Variants in FAF1 observed in about 807,000 individuals in gnomAD.
FAF1 encodes Fas associated factor 1.
In FAF1, 25 loss-of-function variants were observed where a neutral mutation model predicts 92.5. The observed-to-expected ratio is 0.27, with a 90% CI of 0.20 to 0.38. The LOEUF is 0.38. Ranked by LOEUF, FAF1 falls within the 10% of genes least tolerant of loss-of-function variation. FAF1 has a pLI of 1.00. For synonymous variants in FAF1, 234 were observed against 273.2 expected, an observed-to-expected ratio of 0.86 and a Z score of 1.42; for missense variants, 636 against 793.3, an observed-to-expected ratio of 0.80 and a Z score of 2.38.
At chr1:50,627,174 T>A (rs1003288698) in intron 8 of FAF1, among the ~76,000 whole-genome samples, 2 of 152,244 alleles carry the variant, frequency 1.3e-5, no homozygotes, top group Non-Finnish European at 2.9e-5. Context: ...CAATCTCACA[T>A]GAGTGATAAT....
At chr1:50,479,720 G>C (rs1050141312) in intron 17 of FAF1, among the ~76,000 whole-genome samples, 4 of 152,080 alleles carry the variant, frequency 2.6e-5, no homozygotes, top group Admixed American at 2.0e-4. Context: ...ACAGTAGCTC[G>C]TTACTTCATT....
chr1:50,848,408 C>T (rs1009738516), intron 2 of FAF1, among the ~76,000 whole-genome samples: 1 of 152,024 alleles, frequency 6.6e-6, no homozygotes, highest in African/African-American at 2.4e-5. Context: ...TATTGTGAAA[C>T]CTAGGATAAC....
intron 8 of FAF1, among the ~76,000 whole-genome samples, chr1:50,625,984 G>T (rs904869816): frequency 1.3e-5 from 2 of 152,144 alleles, no homozygotes; most frequent in African/African-American, 4.8e-5. Flanking sequence ...AAGAATGGTG[G>T]AACTACAGGA....
chr1:50,555,389 C>A (rs1416879444), intron 13 of FAF1, among the ~76,000 whole-genome samples: 1 of 151,944 alleles, frequency 6.6e-6, no homozygotes, highest in African/African-American at 2.4e-5. Context: ...CAAGAATCTA[C>A]AAGGAACTCA....
At chr1:50,775,515 A>G (rs1660925224) in intron 4 of FAF1, among the ~76,000 whole-genome samples, 1 of 152,126 alleles carries the variant, frequency 6.6e-6, no homozygotes, top group South Asian at 2.1e-4. Flanking sequence ...AAATATTTAC[A>G]TGGGATCTTG....
chr1:50,561,429 G>A (rs1158864592), intron 13 of FAF1, among the ~76,000 whole-genome samples: 1 of 152,188 alleles, frequency 6.6e-6, no homozygotes, highest in Non-Finnish European at 1.5e-5. Context: ...GAGGAATGTA[G>A]CTGTATTTCC....
chr1:50,641,987 G>A (rs1654353091), intron 8 of FAF1, among the ~76,000 whole-genome samples: 1 of 151,994 alleles, frequency 6.6e-6, no homozygotes, highest in Non-Finnish European at 1.5e-5. Flanking sequence ...TGGATAGCCT[G>A]AGATCAGGAG....
At chr1:50,459,004 T>G (rs1646391705) in intron 18 of FAF1, among the ~76,000 whole-genome samples, 1 of 151,326 alleles carries the variant, frequency 6.6e-6, no homozygotes, top group Non-Finnish European at 1.5e-5. Context: ...CAGAGTCTTG[T>G]TCTGTCACCC....
intron 2 of FAF1, among the ~76,000 whole-genome samples, chr1:50,828,418 G>A (rs1288971875): frequency 2.0e-5 from 3 of 151,994 alleles, no homozygotes; most frequent in Non-Finnish European, 2.9e-5. Flanking sequence ...ACAGGCGCCC[G>A]CCACCACGTC....
At chr1:50,813,782 C>T (rs1439699677) in intron 2 of FAF1, among the ~76,000 whole-genome samples, 1 of 151,832 alleles carries the variant, frequency 6.6e-6, no homozygotes, top group African/African-American at 2.4e-5. Context: ...CTCTCCATAC[C>T]ACTCAGAATA....
chr1:50,829,137 G>A (rs904289657), intron 2 of FAF1, among the ~76,000 whole-genome samples: 1 of 152,294 alleles, frequency 6.6e-6, no homozygotes, highest in African/African-American at 2.4e-5. Flanking sequence ...CAAGAATGTA[G>A]AGCAACTGGA....
intron 7 of FAF1, among the ~76,000 whole-genome samples, chr1:50,672,177 T>C (rs1376985610): frequency 1.3e-5 from 2 of 152,108 alleles, no homozygotes; most frequent in African/African-American, 4.8e-5. Context: ...CCCAAGTAGC[T>C]GGGATTACAG....
intron 7 of FAF1, among the ~76,000 whole-genome samples, chr1:50,683,245 G>A (rs1322745192): frequency 1.3e-5 from 2 of 151,970 alleles, no homozygotes; most frequent in African/African-American, 2.4e-5. Flanking sequence ...ATTATACCTC[G>A]GCCGGGTGTG....
At chr1:50,445,394 G>A (rs1163043279) in intron 18 of FAF1, among the ~76,000 whole-genome samples, 1 of 152,162 alleles carries the variant, frequency 6.6e-6, no homozygotes, top group Non-Finnish European at 1.5e-5. Flanking sequence ...GCTATTAAGG[G>A]CAGAGCCAGG....
intron 1 of FAF1, among the ~76,000 whole-genome samples, chr1:50,922,319 C>T (rs1168821858): frequency 2.6e-5 from 4 of 151,250 alleles, no homozygotes; most frequent in Non-Finnish European, 4.4e-5. Flanking sequence ...ATTAGCTGAG[C>T]GTGGTGGCAG....
chr1:50,727,770 C>A (rs997720459), intron 6 of FAF1, among the ~76,000 whole-genome samples: 2 of 152,174 alleles, frequency 1.3e-5, no homozygotes, highest in Non-Finnish European at 2.9e-5. Flanking sequence ...TGTCTAATCA[C>A]CTGCCAGTGC....
rs72898963 is a variant in FAF1, at chr1:50,502,483, G to A, written c.1495-10682C>T. The stretch of plus-strand genomic sequence containing the variant: ...TGACAGTCTTTTCACTGGAGACTGG[G>A]GGCACATGAGCATTCCGAGTGAATT... On this transcript the variant is annotated intron_variant, in intron 15 of 18. Coordinates refer to ENST00000396153, the MANE Select transcript of FAF1 (RefSeq NM_007051.3). 6.4e-3 allele frequency among the ~76,000 whole-genome samples: 981 copies of A among 152,278 alleles called. 19 individuals carry two copies. Among genetic ancestry groups the A allele is most frequent in the African/African-American group, 0.023 (937 of 41,540 alleles).
intron 1 of FAF1, among the ~76,000 whole-genome samples, chr1:50,957,081 G>A (rs1010581522): frequency 6.6e-6 from 1 of 152,132 alleles, no homozygotes; most frequent in Non-Finnish European, 1.5e-5. Context: ...TTACTAAGAC[G>A]ATCATTTGTA....
At chr1:50,823,889 A>C (rs913996056) in intron 2 of FAF1, among the ~76,000 whole-genome samples, 4 of 152,194 alleles carry the variant, frequency 2.6e-5, no homozygotes, top group African/African-American at 9.6e-5. Context: ...TTTCCTTGGA[A>C]AGCTCATGAA....
Sources: gnomAD v4.1 joint callset for allele counts (sites outside exome capture counted in the v4.1 genomes callset) on GRCh38, gnomAD v4.1.1 for gene constraint, MANE v1.5 for transcripts, NCBI Gene and HGNC (gene_info 2026-07-23, HGNC 2026-07-21) for gene names.